Variants in ATRNL1 observed in about 807,000 individuals in gnomAD.
ATRNL1 encodes the protein attractin like 1, also known as attractin-like protein 1.
A neutral mutation model predicts 182.7 loss-of-function variants in ATRNL1; 95 were observed. The observed-to-expected ratio is 0.52, with a 90% CI of 0.44 to 0.62. The LOEUF (loss-of-function observed/expected upper bound fraction) is 0.62. Among genes scored for constraint, ATRNL1 ranks in the 20% least tolerant of loss-of-function variants. The pLI, the probability that ATRNL1 is intolerant of heterozygous loss-of-function variation, is 0.00. For synonymous variants in ATRNL1, 576 were observed against 568.3 expected (o/e 1.01, Z -0.19); for missense variants, 1,471 against 1,679.5 (o/e 0.88, Z 2.17).
At chr10:115,718,683 T>G (rs1186967214) in intron 26 of ATRNL1, among the ~76,000 whole-genome samples, 1 of 152,238 alleles carries the variant, frequency 6.6e-6, no homozygotes, top group African/African-American at 2.4e-5. Flanking sequence ...AGAAAAGATT[T>G]AGAGTCCGTA....
intron 27 of ATRNL1, among the ~76,000 whole-genome samples, chr10:115,763,684 A>T (rs1352254263): frequency 6.6e-6 from 1 of 152,146 alleles, no homozygotes; most frequent in African/African-American, 2.4e-5. Flanking sequence ...TGTGTCTGTT[A>T]TATGTATTTA....
chr10:115,738,162 G>A, intron 27 of ATRNL1, among the ~76,000 whole-genome samples: 1 of 32,244 alleles, frequency 3.1e-5, no homozygotes, highest in African/African-American at 8.4e-5. Flanking sequence ...TTTTTGAGAT[G>A]GAGTCCTGCT....
At chr10:115,202,229 C>T (rs1848610992) in intron 8 of ATRNL1, among the ~76,000 whole-genome samples, 1 of 151,816 alleles carries the variant, frequency 6.6e-6, no homozygotes, top group Admixed American at 6.6e-5. Flanking sequence ...TTATTTGCTT[C>T]TCCTGCCTAA....
intron 28 of ATRNL1, among the ~76,000 whole-genome samples, chr10:115,942,343 A>C (rs1285645873): frequency 6.6e-6 from 1 of 152,202 alleles, no homozygotes; most frequent in Non-Finnish European, 1.5e-5. Flanking sequence ...TCAGGCTTCC[A>C]TCCTCAGTTA....
In ATRNL1 at chr10:115,352,283, T is replaced by TA. The variant is rs1176764062; in HGVS notation, c.3175+17864_3175+17865insA. 1.7e-3 allele frequency among the ~76,000 whole-genome samples: 258 copies of TA among 152,080 alleles called. 1 individual carries two copies. Among genetic ancestry groups the TA allele is most frequent in the African/African-American group, 5.9e-3 (244 of 41,560 alleles). Reference sequence around the variant, plus strand: ...TCCTTTTGTTGATCTTTTATATATATTTTTTAGTCTATAACTTATTCATTT... The same window carrying TA: ...TCCTTTTGTTGATCTTTTATATATATATTTTTAGTCTATAACTTATTCATTT... On this transcript the variant is annotated intron_variant, in intron 19 of 28. Transcript: ENST00000355044.
At chr10:115,575,088 GTGCTTAAACAC>G in intron 26 of ATRNL1, among the ~76,000 whole-genome samples, 1 of 152,216 alleles carries the variant, frequency 6.6e-6, no homozygotes, top group South Asian at 2.1e-4. Flanking sequence ...ATAGTGGAAA[GTGCTTAAACAC>G]TGTTTATCCC....
chr10:115,801,702 G>A (rs543635832), intron 27 of ATRNL1, among the ~76,000 whole-genome samples: 142 of 152,174 alleles, frequency 9.3e-4, no homozygotes, highest in Non-Finnish European at 1.6e-3. Flanking sequence ...TGACTTTACT[G>A]TCCTACTGTC....
intron 10 of ATRNL1, among the ~76,000 whole-genome samples, chr10:115,261,278 T>C (rs1564860150): frequency 6.6e-6 from 1 of 152,188 alleles, no homozygotes; most frequent in African/African-American, 2.4e-5. Context: ...AATTATTTTT[T>C]AGAATTGCAG....
intron 24 of ATRNL1, among the ~76,000 whole-genome samples, chr10:115,495,667 A>G (rs926249905): frequency 6.7e-5 from 10 of 149,284 alleles, no homozygotes; most frequent in African/African-American, 2.2e-4. Flanking sequence ...TTTTTATTGC[A>G]CTACTGTCTG....
chr10:115,123,802 CCTT>C (rs1844844460), intron 3 of ATRNL1, among the ~76,000 whole-genome samples: 1 of 152,084 alleles, frequency 6.6e-6, no homozygotes, highest in African/African-American at 2.4e-5. Flanking sequence ...CTGAGCTCCA[CCTT>C]CTGTCAGATC....
chr10:115,196,327 C>T (rs1197239338), intron 8 of ATRNL1, among the ~76,000 whole-genome samples: 2 of 152,120 alleles, frequency 1.3e-5, no homozygotes, highest in African/African-American at 4.8e-5. Context: ...ATTCTAGTAT[C>T]ACACTCTATT....
intron 17 of ATRNL1, among the ~76,000 whole-genome samples, chr10:115,307,041 T>C (rs546652507): frequency 1.3e-5 from 2 of 152,272 alleles, no homozygotes; most frequent in African/African-American, 4.8e-5. Context: ...TTGTTTTTGA[T>C]CTTTTGCTTC....
At chr10:115,443,771 G>A (rs782269775) in intron 21 of ATRNL1, among the ~76,000 whole-genome samples, 97 of 152,016 alleles carry the variant, frequency 6.4e-4, no homozygotes, top group Middle Eastern at 3.4e-3. Flanking sequence ...CCCCATCTCC[G>A]TATCCCTTGA....
Position 115,454,601 on chromosome 10 carries a change from C to T in ATRNL1, c.3323-7340C>T, listed in dbSNP as rs1847435923. ...TCAATGTTTTATAGTTTTTAATGTT[C>T]AAGTCTTTATTCTCTTTGGTTAAGT... is the stretch of plus-strand genomic sequence containing the variant. On this transcript the variant is annotated intron_variant, in intron 21 of 28. Transcript: ENST00000355044. Among the ~76,000 whole-genome samples the T allele has an allele frequency of 2.6e-5, 4 of 151,910 alleles. No homozygotes were observed. In the South Asian group the frequency reaches 8.3e-4, roughly 31 times the overall value.
rs1353744033 is a variant in ATRNL1, at chr10:115,918,745, G to A, written c.4019-25913G>A. 2.6e-5 allele frequency among the ~76,000 whole-genome samples: 4 copies of A among 152,286 alleles called. No homozygotes were observed. The East Asian group carries it at 7.7e-4, about 29-fold the overall frequency. Reference sequence around the variant, plus strand: ...GGGCTTTAGGTGCTAAAGAAGTTCAGAAGGAGAGAAATTTTAGTGTAGTCT... The same window carrying A: ...GGGCTTTAGGTGCTAAAGAAGTTCAAAAGGAGAGAAATTTTAGTGTAGTCT... On this transcript the variant is annotated intron_variant, in intron 28 of 28. Transcript: ENST00000355044.
chr10:115,312,776 A>G (rs1383085934), intron 17 of ATRNL1, among the ~76,000 whole-genome samples: 2 of 152,040 alleles, frequency 1.3e-5, no homozygotes, highest in African/African-American at 4.8e-5. Context: ...ACCTAATCTC[A>G]TATTTCTTGG....
At chr10:115,239,782 A>T (rs1554902422) in intron 9 of ATRNL1, among the ~76,000 whole-genome samples, 1 of 152,114 alleles carries the variant, frequency 6.6e-6, no homozygotes, top group Non-Finnish European at 1.5e-5. Flanking sequence ...GCCTGCTGGA[A>T]TTAGTGTATA....
At chr10:115,340,404 G>C (rs1855685843) in intron 19 of ATRNL1, among the ~76,000 whole-genome samples, 1 of 150,812 alleles carries the variant, frequency 6.6e-6, no homozygotes, top group Admixed American at 6.6e-5. Flanking sequence ...GCCTCCCAAA[G>C]TGCTGGGATT....
chr10:115,801,615 A>C (rs576310831), intron 27 of ATRNL1, among the ~76,000 whole-genome samples: 7 of 144,554 alleles, frequency 4.8e-5, no homozygotes, highest in Non-Finnish European at 1.1e-4. Context: ...TATTGGTTGC[A>C]AACCAAAATG....
Sources: gnomAD v4.1 joint callset for allele counts (sites outside exome capture counted in the v4.1 genomes callset) on GRCh38, gnomAD v4.1.1 for gene constraint, MANE v1.5 for transcripts, NCBI Gene and HGNC (gene_info 2026-07-23, HGNC 2026-07-21) for gene names.